PCDHA2: variants seen among roughly 807,000 people sequenced by gnomAD.
PCDHA2 encodes the protein protocadherin alpha-2.
Under a neutral mutation model 66.0 loss-of-function variants are expected in PCDHA2, and 58 were observed. The observed-to-expected ratio is 0.88, with a 90% CI of 0.71 to 1.09. PCDHA2 has a LOEUF of 1.09. Ranked by LOEUF, PCDHA2 falls within the 50% of genes least tolerant of loss-of-function variation. The probability of loss-of-function intolerance (pLI) is 0.00; values close to 1 mark genes in which losing one functional copy is unlikely to be tolerated. For synonymous variants in PCDHA2, 634 were observed against 554.0 expected, an observed-to-expected ratio of 1.14 and a Z score of -2.03; for missense variants, 1,267 against 1,242.3, an observed-to-expected ratio of 1.02 and a Z score of -0.30.
intron 1 of PCDHA2, chr5:140,841,844 C>T: frequency 6.2e-7 from 1 of 1,613,842 alleles, no homozygotes; most frequent in Non-Finnish European, 8.5e-7. Flanking sequence ...GCTTAGCTCT[C>T]ATGATTACTT....
chr5:140,845,806 G>A lies in PCDHA2; in HGVS notation c.2388+48454G>A, dbSNP rs181852122. ...AATAATAAACTCTGGCAAGTGATAGGTACATAATAAAATTTAGTTATTACC... is the reference window on the plus strand; with the variant it reads ...AATAATAAACTCTGGCAAGTGATAGATACATAATAAAATTTAGTTATTACC... On this transcript the variant is annotated intron_variant, in intron 1 of 3. Transcript: ENST00000526136. 4.5e-3 allele frequency among the ~76,000 whole-genome samples: 673 copies of A among 149,580 alleles called. 58 individuals carry two copies. The highest frequency in any genetic ancestry group is 6.8e-3 in the Middle Eastern group (2 of 292).
At chr5:140,974,828 A>T (rs2096642920) in intron 1 of PCDHA2, among the ~76,000 whole-genome samples, 1 of 152,188 alleles carries the variant, frequency 6.6e-6, no homozygotes, top group Non-Finnish European at 1.5e-5. Flanking sequence ...CAACATAATG[A>T]TTATTTTAAA....
chr5:140,841,687 G>A (rs2150320921), intron 1 of PCDHA2: 1 of 1,613,966 alleles, frequency 6.2e-7, no homozygotes, highest in South Asian at 1.1e-5. Context: ...TGGACGTGGA[G>A]GTGAAGGATG....
chr5:140,962,288 A>G (rs1310558261), intron 1 of PCDHA2, among the ~76,000 whole-genome samples: 2 of 152,192 alleles, frequency 1.3e-5, no homozygotes, highest in African/African-American at 4.8e-5. Flanking sequence ...TCAACCTTTA[A>G]TATTCTATGA....
intron 1 of PCDHA2, among the ~76,000 whole-genome samples, chr5:140,798,854 C>T (rs1462613661): frequency 2.0e-5 from 3 of 152,154 alleles, no homozygotes; most frequent in South Asian, 4.1e-4. Context: ...CTGTCTTAAA[C>T]GGTCCTCTAC....
In PCDHA2 at chr5:140,829,595, C is replaced by T. The variant is rs147522996; in HGVS notation, c.2388+32243C>T. ...GCTGGTGGAGCGGCGGGTGGGCGAG[C>T]GCGCGTTGTCGAGCTACATTTCGGT... On this transcript the variant is annotated intron_variant, in intron 1 of 3. Coordinates refer to ENST00000526136, the MANE Select transcript of PCDHA2 (RefSeq NM_018905.3). The T allele has an allele frequency of 1.5e-4, 239 of 1,611,886 alleles. 1 individual carries two copies. In the African/African-American group the frequency reaches 2.9e-3, roughly 20 times the overall value.
chr5:140,853,149 G>C, intron 1 of PCDHA2: 1 of 844,586 alleles, frequency 1.2e-6, no homozygotes, highest in Non-Finnish European at 1.5e-6. Flanking sequence ...AAAATGCTGG[G>C]ATTACAGGCG....
At position 140,796,520 on chromosome 5, in the gene PCDHA2, C is replaced by G. The variant is rs1554119955; in HGVS notation, c.1556C>G (p.Ala519Gly). The G allele has an allele frequency of 2.2e-5, 35 of 1,612,446 alleles. No homozygotes were observed. Among genetic ancestry groups the G allele is most frequent in the Non-Finnish European group, 2.8e-5 (33 of 1,179,826 alleles). Residue 519 changes from alanine to glycine, a missense_variant, in exon 1 of 4, where the codon GCG (alanine) becomes GGG (glycine). Ala to Gly is a moderately conservative substitution (Grantham distance 60, BLOSUM62 0). Transcript: ENST00000526136. The part of the protein sequence containing the change: ...SVHAESGKVY[A>G]LQPLDHEEVE... ...CACGCGGAGAGCGGCAAGGTGTACG[C>G]GCTGCAGCCGCTGGACCACGAGGAA...
chr5:140,993,783 T>C (rs1402072576), intron 3 of PCDHA2, among the ~76,000 whole-genome samples: 2 of 152,230 alleles, frequency 1.3e-5, no homozygotes, highest in East Asian at 3.9e-4. Flanking sequence ...TTTTGTACAG[T>C]AACATGCTGT....
chr5:140,963,196 GA>G (rs199602110), intron 1 of PCDHA2, among the ~76,000 whole-genome samples: 26 of 147,674 alleles, frequency 1.8e-4, no homozygotes, highest in South Asian at 4.3e-4. Context: ...CTGTGAAAAT[GA>G]AAAAAAAAAC....
At chr5:140,906,926 T>C (rs1217312413) in intron 1 of PCDHA2, among the ~76,000 whole-genome samples, 1 of 152,194 alleles carries the variant, frequency 6.6e-6, no homozygotes, top group Non-Finnish European at 1.5e-5. Flanking sequence ...CCAAAAAGTG[T>C]CCCGGTGTCA....
chr5:140,824,547 G>T (rs1233636687), intron 1 of PCDHA2: 1 of 183,508 alleles, frequency 5.4e-6, no homozygotes, highest in South Asian at 1.5e-4. Context: ...AAACTCCTGG[G>T]CTCAAGTGAT....
chr5:140,928,276 GC>G, intron 1 of PCDHA2: 1 of 1,614,172 alleles, frequency 6.2e-7, no homozygotes. Flanking sequence ...TGGCCCTGGG[GC>G]CTCTCTAGGC....
chr5:140,862,359 C>T (rs1364549064), intron 1 of PCDHA2: 3 of 337,738 alleles, frequency 8.9e-6, no homozygotes, highest in African/African-American at 4.3e-5. Flanking sequence ...AAGGGACAGA[C>T]GACCCGCACC....
At chr5:140,960,063 T>G (rs1461377026) in intron 1 of PCDHA2, among the ~76,000 whole-genome samples, 1 of 152,232 alleles carries the variant, frequency 6.6e-6, no homozygotes, top group Non-Finnish European at 1.5e-5. Flanking sequence ...GTACAGAAGA[T>G]TCAATTGAAG....
At chr5:140,984,227 T>C (rs571404372) in intron 3 of PCDHA2, among the ~76,000 whole-genome samples, 1 of 152,336 alleles carries the variant, frequency 6.6e-6, no homozygotes, top group Admixed American at 6.5e-5. Context: ...CTTGCTCTTA[T>C]GGAGGCATTG....
Position 140,899,596 on chromosome 5 carries a change from G to A in PCDHA2, c.2389-79353G>A, listed in dbSNP as rs567280301. On this transcript the variant is annotated intron_variant, in intron 1 of 3. Transcript: ENST00000526136. ...ATTCGGTTTGCCAGTATTTTATTGA[G>A]GACTTTTGCATCAATGTTCATCAAG... Among the ~76,000 whole-genome samples the A allele has an allele frequency of 7.2e-5, 11 of 152,196 alleles. No individual in the cohort carries two copies. In the East Asian group the frequency reaches 2.1e-3, roughly 29 times the overall value.
At chr5:141,000,347 C>T (rs1587871994) in intron 3 of PCDHA2, among the ~76,000 whole-genome samples, 1 of 114,796 alleles carries the variant, frequency 8.7e-6, no homozygotes, top group Non-Finnish European at 1.8e-5. Flanking sequence ...CTATCTCTCT[C>T]TCTGTCTCTC....
chr5:140,824,128 G>T (rs2150132409), intron 1 of PCDHA2: 3 of 1,612,826 alleles, frequency 1.9e-6, no homozygotes, highest in Non-Finnish European at 2.5e-6. Context: ...TACAGACAAC[G>T]TGAGTTTTCT....
Sources: gnomAD v4.1 joint callset for allele counts (sites outside exome capture counted in the v4.1 genomes callset) on GRCh38, gnomAD v4.1.1 for gene constraint, MANE v1.5 for transcripts, NCBI Gene and HGNC (gene_info 2026-07-23, HGNC 2026-07-21) for gene names.